NPSR1: variants seen among roughly 807,000 people sequenced by gnomAD.
NPSR1 encodes the protein neuropeptide S receptor.
Under a neutral mutation model 46.9 loss-of-function variants are expected in NPSR1, and 48 were observed. The observed-to-expected ratio is 1.02, with a 90% CI of 0.81 to 1.30. The LOEUF (loss-of-function observed/expected upper bound fraction) is 1.30. NPSR1 is among the 50% of genes most tolerant of loss of function. The pLI is 0.00. For synonymous variants in NPSR1, 176 were observed against 168.1 expected, an observed-to-expected ratio of 1.05 and a Z score of -0.36; for missense variants, 450 against 449.5, an observed-to-expected ratio of 1.00 and a Z score of -0.01.
chr7:34,845,036 G>C (rs1258409046), intron 7 of NPSR1, 54 bp downstream of exon 7: 5 of 1,229,048 alleles, frequency 4.1e-6, no homozygotes, highest in Non-Finnish European at 6.0e-6. Context: ...CCAAAAGCAA[G>C]TTTGCTCCTG....
At chr7:34,758,205 GGCACT>G (rs1412935255) in intron 2 of NPSR1, 2 of 152,542 alleles carry the variant, frequency 1.3e-5, no homozygotes. Flanking sequence ...GCATGTGGTA[GGCACT>G]TTGTATGTGT....
intron 8 of NPSR1, among the ~76,000 whole-genome samples, chr7:34,865,970 T>C (rs1791305426): frequency 6.6e-6 from 1 of 151,796 alleles, no homozygotes; most frequent in Non-Finnish European, 1.5e-5. Flanking sequence ...GTCCACCTGC[T>C]TTACAGACCC....
Position 34,811,165 on chromosome 7 carries a change from C to T in NPSR1, c.385-605C>T, listed in dbSNP as rs563472210. On this transcript the variant is annotated intron_variant, in intron 3 of 8. Coordinates refer to ENST00000360581, the MANE Select transcript of NPSR1 (RefSeq NM_207172.2). ...GCCCTCTTGGTGGCCATGTCCTCGT[C>T]CATAGGCCAGGAAGAGTCAGGTCAC... Among the ~76,000 whole-genome samples the T allele has an allele frequency of 2.5e-4, 38 of 152,228 alleles. 1 individual carries two copies. In the South Asian group the frequency reaches 7.7e-3, roughly 31 times the overall value.
intron 8 of NPSR1, among the ~76,000 whole-genome samples, chr7:34,855,983 C>T (rs961613267): frequency 1.3e-5 from 2 of 151,996 alleles, no homozygotes; most frequent in African/African-American, 4.8e-5. Flanking sequence ...TATTCACAAA[C>T]TTGGGATAGA....
chr7:34,731,280 T>C lies in NPSR1; in HGVS notation c.280+46596T>C, dbSNP rs909032350. 3.3e-5 allele frequency among the ~76,000 whole-genome samples: 5 copies of C among 152,012 alleles called. No individual in the cohort carries two copies. The South Asian group carries it at 1.0e-3, about 32-fold the overall frequency. Reference sequence around the variant, plus strand: ...CTTAATACAAGAATAAATACAAATATAGGAACAAGTAAGATACACACAAAA... The same window carrying C: ...CTTAATACAAGAATAAATACAAATACAGGAACAAGTAAGATACACACAAAA... On this transcript the variant is annotated intron_variant, in intron 2 of 8. Transcript: ENST00000360581.
Position 34,874,506 on chromosome 7 carries a change from G to A in NPSR1, c.1026-3570G>A, listed in dbSNP as rs537823261. Among the ~76,000 whole-genome samples, 128 of 152,200 alleles carry A rather than the reference G, an allele frequency of 8.4e-4. 1 individual carries two copies. The highest frequency in any genetic ancestry group is 1.9e-4 in the Non-Finnish European group (13 of 68,024). ...GGGTGTCATTTAATGTTGTCCCCAG[G>A]TCCTACCCCTGGAATTGCGCAAGGG... On this transcript the variant is annotated intron_variant, in intron 8 of 8. Coordinates refer to the NPSR1 transcript ENST00000359791.
At chr7:34,866,972 TAAAG>T (rs1791328801) in intron 8 of NPSR1, among the ~76,000 whole-genome samples, 1 of 151,662 alleles carries the variant, frequency 6.6e-6, no homozygotes, top group African/African-American at 2.4e-5. Context: ...ATGGGAGAAC[TAAAG>T]CCAGGCCTCA....
chr7:34,798,754 A>T (rs1788316879), intron 3 of NPSR1, among the ~76,000 whole-genome samples: 1 of 152,236 alleles, frequency 6.6e-6, no homozygotes, highest in African/African-American at 2.4e-5. Context: ...ATGTAAAAAA[A>T]TAGAAATTAC....
chr7:34,694,290 A>G (rs1056719736), intron 2 of NPSR1, among the ~76,000 whole-genome samples: 1 of 152,224 alleles, frequency 6.6e-6, no homozygotes, highest in African/African-American at 2.4e-5. Flanking sequence ...TAGACTTAAC[A>G]AACAACTTCA....
chr7:34,783,008 C>G (rs1340922348), intron 3 of NPSR1, among the ~76,000 whole-genome samples: 1 of 151,892 alleles, frequency 6.6e-6, no homozygotes, highest in Non-Finnish European at 1.5e-5. Flanking sequence ...CACTAGACAG[C>G]ATCCAGCAGA....
chr7:34,780,717 G>A (rs990976393), intron 3 of NPSR1, among the ~76,000 whole-genome samples: 4 of 152,062 alleles, frequency 2.6e-5, no homozygotes, highest in African/African-American at 4.8e-5. Flanking sequence ...AAATTGTCTG[G>A]CAGCCACTGT....
chr7:34,726,953 A>C (rs575708305), intron 2 of NPSR1, among the ~76,000 whole-genome samples: 1 of 152,118 alleles, frequency 6.6e-6, no homozygotes, highest in African/African-American at 2.4e-5. Context: ...GTCATTGTAC[A>C]TTTGTCTAAA....
At chr7:34,791,248 A>ATGTTATATATTATATTATATATGTT (rs1787862526) in intron 3 of NPSR1, among the ~76,000 whole-genome samples, 1 of 132,466 alleles carries the variant, frequency 7.5e-6, no homozygotes, top group Non-Finnish European at 1.6e-5. Context: ...TATATGTTAT[A>ATGTTATATATTATATTATATATGTT]TGTTATATAT....
intron 8 of NPSR1, among the ~76,000 whole-genome samples, chr7:34,861,555 C>T (rs187983207): frequency 1.1e-4 from 16 of 151,908 alleles, no homozygotes; most frequent in African/African-American, 3.6e-4. Flanking sequence ...GTTGATATCT[C>T]CCATGAGACA....
rs146636820 is a variant in NPSR1 at position 34,830,128 on chromosome 7, G to T, written c.680+2526G>T. Reference sequence around the variant, plus strand: ...TTTGTGAGGAACTTGTTTCCAACTAGTACCTGGCATAGGTGCTACAATTTC... The same window carrying T: ...TTTGTGAGGAACTTGTTTCCAACTATTACCTGGCATAGGTGCTACAATTTC... On this transcript the variant is annotated intron_variant, in intron 5 of 8. Coordinates refer to ENST00000360581, the MANE Select transcript of NPSR1 (RefSeq NM_207172.2). Among the ~76,000 whole-genome samples the T allele has an allele frequency of 4.6e-5, 7 of 152,350 alleles. No individual in the cohort carries two copies. The East Asian group carries it at 1.2e-3, about 25-fold the overall frequency.
At chr7:34,771,269 T>C (rs1370714309) in intron 2 of NPSR1, among the ~76,000 whole-genome samples, 2 of 152,098 alleles carry the variant, frequency 1.3e-5, no homozygotes, top group African/African-American at 4.8e-5. Flanking sequence ...ATCCCGTCTC[T>C]ATGAAAATTT....
Position 34,777,155 on chromosome 7 carries a change from AG to A in NPSR1, c.281-1306del, listed in dbSNP as rs1031150584. Among the ~76,000 whole-genome samples, 8 of 152,220 alleles carry A rather than the reference AG, an allele frequency of 5.3e-5. No individual in the cohort carries two copies. In the South Asian group the frequency reaches 1.2e-3, roughly 24 times the overall value. On this transcript the variant is annotated intron_variant, in intron 2 of 8. Coordinates refer to ENST00000360581, the MANE Select transcript of NPSR1 (RefSeq NM_207172.2). Reference sequence around the variant, plus strand: ...AGTTCAGAACTAGAACTTGCTTGAAAGTTGCACTCCTTGTGGCCTAGACTGA... The same window carrying A: ...AGTTCAGAACTAGAACTTGCTTGAAATTGCACTCCTTGTGGCCTAGACTGA...
Position 34,823,349 on chromosome 7 carries a change from A to G in NPSR1, c.479-4052A>G, listed in dbSNP as rs145881254. On this transcript the variant is annotated intron_variant, in intron 4 of 8. Coordinates refer to ENST00000360581, the MANE Select transcript of NPSR1 (RefSeq NM_207172.2). ...GGAGGTTGCGGTGAGTGGAGATGGC[A>G]CCACTGCACTCTAGCCCTCTAGCAT... 1.4e-3 allele frequency among the ~76,000 whole-genome samples: 209 copies of G among 145,274 alleles called. 1 individual carries two copies. Among genetic ancestry groups the G allele is most frequent in the South Asian group, 0.011 (47 of 4,418 alleles).
chr7:34,864,122 A>G (rs1379776418), intron 8 of NPSR1, among the ~76,000 whole-genome samples: 1 of 151,768 alleles, frequency 6.6e-6, no homozygotes, highest in Non-Finnish European at 1.5e-5. Context: ...TAACACAGGA[A>G]CAGAAAACCA....
Sources: gnomAD v4.1 joint callset for allele counts (sites outside exome capture counted in the v4.1 genomes callset) on GRCh38, gnomAD v4.1.1 for gene constraint, MANE v1.5 for transcripts, NCBI Gene and HGNC (gene_info 2026-07-23, HGNC 2026-07-21) for gene names.